The following MSI2 variants were observed in gnomAD, a reference collection of about 807,000 sequenced individuals.
The protein encoded by MSI2 is musashi RNA binding protein 2.
A neutral mutation model predicts 45.6 loss-of-function variants in MSI2; 17 were observed. That is an observed-to-expected ratio of 0.37 (90% CI 0.26 to 0.56). The LOEUF is 0.56. MSI2 is among the 20% of genes least tolerant of loss of function. The pLI, the probability that MSI2 is intolerant of heterozygous loss-of-function variation, is 0.77. For missense variants in MSI2, 293 were observed against 444.2 expected, an observed-to-expected ratio of 0.66 and a Z score of 3.06; for synonymous variants, 156 against 158.2, an observed-to-expected ratio of 0.99 and a Z score of 0.11.
At chr17:57,482,156 A>G (rs1377922033) in intron 6 of MSI2, among the ~76,000 whole-genome samples, 2 of 152,208 alleles carry the variant, frequency 1.3e-5, no homozygotes, top group African/African-American at 2.4e-5. Context: ...ACTGAAAGAG[A>G]TATCTCACAG....
intron 5 of MSI2, among the ~76,000 whole-genome samples, chr17:57,305,063 C>T (rs912943935): frequency 7.2e-5 from 11 of 152,102 alleles, no homozygotes; most frequent in African/African-American, 2.4e-4. Context: ...ATGCTGAAGA[C>T]GTGATTACAG....
intron 7 of MSI2, among the ~76,000 whole-genome samples, chr17:57,579,786 G>A (rs143720004): frequency 4.7e-4 from 72 of 152,230 alleles, no homozygotes; most frequent in African/African-American, 1.5e-3. Context: ...GCCAGGCTTC[G>A]GTGTACTCTC....
At chr17:57,576,938 T>C (rs1410584091) in intron 7 of MSI2, among the ~76,000 whole-genome samples, 1 of 152,012 alleles carries the variant, frequency 6.6e-6, no homozygotes, top group Non-Finnish European at 1.5e-5. Context: ...CAAAGGGAAG[T>C]CCAGTCCGGT....
chr17:57,589,816 G>A (rs368549275), intron 7 of MSI2, among the ~76,000 whole-genome samples: 3 of 152,200 alleles, frequency 2.0e-5, no homozygotes, highest in African/African-American at 4.8e-5. Flanking sequence ...GCCATGTCAC[G>A]ATGGATGAGT....
chr17:57,429,226 A>C (rs1457778298), intron 6 of MSI2, among the ~76,000 whole-genome samples: 1 of 152,060 alleles, frequency 6.6e-6, no homozygotes, highest in Non-Finnish European at 1.5e-5. Context: ...CTGATCCCAC[A>C]CAGCCTCCAA....
intron 6 of MSI2, among the ~76,000 whole-genome samples, chr17:57,480,378 C>T (rs1329123869): frequency 6.6e-6 from 1 of 152,112 alleles, no homozygotes; most frequent in Non-Finnish European, 1.5e-5. Context: ...AAAACAAACC[C>T]AAAATAAAAC....
At chr17:57,648,563 T>C (rs1439653972) in intron 10 of MSI2, among the ~76,000 whole-genome samples, 5 of 152,224 alleles carry the variant, frequency 3.3e-5, no homozygotes, top group Non-Finnish European at 4.4e-5. Context: ...CCTTCACACA[T>C]TGGCCAGGGA....
intron 5 of MSI2, among the ~76,000 whole-genome samples, chr17:57,313,988 CA>C (rs922258626): frequency 2.0e-5 from 3 of 152,110 alleles, no homozygotes; most frequent in Admixed American, 6.5e-5. Flanking sequence ...GCGGCTTCTA[CA>C]ACAGAATTTT....
At chr17:57,363,714 G>A (rs1916987156) in intron 5 of MSI2, among the ~76,000 whole-genome samples, 2 of 152,000 alleles carry the variant, frequency 1.3e-5, no homozygotes, top group South Asian at 4.2e-4. Flanking sequence ...ACTCCAGCCT[G>A]GGCAACAGAG....
intron 6 of MSI2, among the ~76,000 whole-genome samples, chr17:57,401,823 A>G (rs2083997502): frequency 6.6e-6 from 1 of 152,118 alleles, no homozygotes; most frequent in East Asian, 1.9e-4. Flanking sequence ...AAGCTGCTAG[A>G]GGCCTGCAGG....
chr17:57,689,874 G>C, the MSI2 span, among the ~76,000 whole-genome samples: 1 of 152,162 alleles, frequency 6.6e-6, no homozygotes, highest in African/African-American at 2.4e-5. Flanking sequence ...TTTTATTGCT[G>C]AGTTGGTTTT....
chr17:57,463,719 T>TCC (rs2085275331), intron 6 of MSI2, among the ~76,000 whole-genome samples: 1 of 145,426 alleles, frequency 6.9e-6, no homozygotes, highest in Non-Finnish European at 1.5e-5. Flanking sequence ...AGCCCCCTGC[T>TCC]CTGCCCCTGG....
chr17:57,318,668 G>A (rs1210030947), intron 5 of MSI2, among the ~76,000 whole-genome samples: 6 of 152,016 alleles, frequency 3.9e-5, no homozygotes, highest in Non-Finnish European at 7.4e-5. Flanking sequence ...GGAGGGTCCC[G>A]GGGAGAAAAG....
At chr17:57,375,309 G>C (rs1196801823) in intron 5 of MSI2, among the ~76,000 whole-genome samples, 1 of 152,176 alleles carries the variant, frequency 6.6e-6, no homozygotes, top group African/African-American at 2.4e-5. Context: ...AAGTAGGTCA[G>C]CCGCACTTCC....
intron 5 of MSI2, among the ~76,000 whole-genome samples, chr17:57,386,131 A>C (rs1422220647): frequency 6.6e-6 from 1 of 152,170 alleles, no homozygotes; most frequent in Non-Finnish European, 1.5e-5. Flanking sequence ...AGATATAAAG[A>C]TACCCCTATC....
At chr17:57,554,939 A>C (rs1332273192) in intron 7 of MSI2, among the ~76,000 whole-genome samples, 1 of 152,258 alleles carries the variant, frequency 6.6e-6, no homozygotes, top group African/African-American at 2.4e-5. Flanking sequence ...GTTTTGCTCA[A>C]ACCTGCTGAG....
At chr17:57,368,695 G>A (rs894066285) in intron 5 of MSI2, among the ~76,000 whole-genome samples, 7 of 152,190 alleles carry the variant, frequency 4.6e-5, no homozygotes, top group African/African-American at 1.7e-4. Context: ...TTTCAGAACC[G>A]CAGAATTAGA....
At chr17:57,439,392 G>A (rs895756857) in intron 6 of MSI2, among the ~76,000 whole-genome samples, 3 of 152,142 alleles carry the variant, frequency 2.0e-5, no homozygotes, top group African/African-American at 7.2e-5. Context: ...TCTGCAGAAA[G>A]CACTTCCTTG....
intron 5 of MSI2, among the ~76,000 whole-genome samples, chr17:57,393,768 G>A (rs924714061): frequency 7.2e-5 from 11 of 152,180 alleles, no homozygotes; most frequent in Admixed American, 2.0e-4. Flanking sequence ...TGTAACCTCC[G>A]CCTCCCGGGT....
Sources: allele counts gnomAD v4.1 joint callset (sites outside exome capture counted in the v4.1 genomes callset), GRCh38; gene constraint gnomAD v4.1.1; transcripts MANE v1.5; gene names NCBI Gene and HGNC (gene_info 2026-07-23, HGNC 2026-07-21).